Variants in MGRN1 observed in about 807,000 individuals in gnomAD.
MGRN1 encodes mahogunin ring finger 1, also known as E3 ubiquitin-protein ligase MGRN1.
MGRN1 carries 29 observed loss-of-function variants against 69.2 expected under a neutral mutation model. The ratio of observed to expected loss-of-function variants is 0.42; its 90% CI spans 0.31 to 0.57. MGRN1 has a LOEUF of 0.57. MGRN1 is among the 20% of genes least tolerant of loss of function. MGRN1 has a pLI of 0.15. For synonymous variants in MGRN1, 470 were observed against 344.2 expected (o/e 1.37, Z -4.04); for missense variants, 998 against 796.2 (o/e 1.25, Z -3.05).
At chr16:4,661,023 C>G (rs1042853522) in intron 5 of MGRN1, among the ~76,000 whole-genome samples, 18 of 152,160 alleles carry the variant, frequency 1.2e-4, no homozygotes, top group African/African-American at 3.6e-4. Context: ...ACTCTGTCTC[C>G]CAGGCTGGAG....
At chr16:4,641,919 T>A (rs1323284771) in intron 1 of MGRN1, among the ~76,000 whole-genome samples, 3 of 151,962 alleles carry the variant, frequency 2.0e-5, no homozygotes, top group Non-Finnish European at 4.4e-5. Context: ...CCTCCTAAAG[T>A]GCTGGGATTA....
At chr16:4,677,389 C>T (rs2079076536) in intron 10 of MGRN1, 74 bp from the exon 11 acceptor site, 1 of 1,215,822 alleles carries the variant, frequency 8.2e-7, no homozygotes, top group Non-Finnish European at 1.1e-6. Context: ...GGGTGTTGAT[C>T]CCTGGGGCTG....
At position 4,650,369 on chromosome 16, in the gene MGRN1, C is replaced by T; in HGVS notation, c.93C>T (p.Asn31=). ...SAYRYPPKSG[N]YFASHFFMGG... is the part of the protein sequence containing the mutation. ...CGTGTTTCCTTTTTTAAACAGGAAA[C>T]TACTTTGCTTCGCACTTTTTCATGG... Residue 31 remains asparagine (N), a synonymous_variant, in exon 2 of 17, where the codon AAC becomes AAT. Coordinates refer to ENST00000262370, the MANE Select transcript of MGRN1 (RefSeq NM_015246.4). 6.3e-7 allele frequency: 1 copy of T among 1,592,278 alleles called. No homozygotes were observed. Among genetic ancestry groups the T allele is most frequent in the Non-Finnish European group, 8.6e-7 (1 of 1,166,428 alleles).
chr16:4,665,070 C>G, intron 6 of MGRN1, 32 bp from the exon 7 acceptor site: 5 of 1,613,802 alleles, frequency 3.1e-6, no homozygotes, highest in South Asian at 1.1e-5. Flanking sequence ...CAGGCCCCGA[C>G]TCTGACTACT....
At chr16:4,638,258 A>T (rs2141841353) in intron 1 of MGRN1, among the ~76,000 whole-genome samples, 1 of 152,106 alleles carries the variant, frequency 6.6e-6, no homozygotes, top group South Asian at 2.1e-4. Flanking sequence ...CGAGGTCAGG[A>T]GTTTGAGACC....
chr16:4,658,161 C>T (rs995382765), intron 5 of MGRN1, among the ~76,000 whole-genome samples: 2 of 152,228 alleles, frequency 1.3e-5, no homozygotes, highest in African/African-American at 4.8e-5. Context: ...CTCCCTCCTT[C>T]CCCCTTTGCC....
In MGRN1 at chr16:4,636,439, C is replaced by T. The variant is rs375115977; in HGVS notation, c.88+11391C>T. 8.9e-4 allele frequency among the ~76,000 whole-genome samples: 136 copies of T among 152,184 alleles called. 6 individuals are homozygous for T. The South Asian group carries it at 0.026, about 29-fold the overall frequency. ...GACCTTCCAGCGTCCCAGTGCTGCC[C>T]GTGGACGGGCTCCGGGGGAGCTGGG... On this transcript the variant is annotated intron_variant, in intron 1 of 16. Transcript: ENST00000262370.
intron 5 of MGRN1, among the ~76,000 whole-genome samples, chr16:4,662,451 G>A (rs1391872150): frequency 2.0e-5 from 3 of 151,786 alleles, no homozygotes; most frequent in Non-Finnish European, 4.4e-5. Context: ...AGGGGGTGGA[G>A]GTTGCAGCGA....
At chr16:4,638,239 G>A (rs2078074976) in intron 1 of MGRN1, among the ~76,000 whole-genome samples, 1 of 152,068 alleles carries the variant, frequency 6.6e-6, no homozygotes, top group Non-Finnish European at 1.5e-5. Flanking sequence ...GGCCGAGGCG[G>A]GTGGATTACG....
In MGRN1 at chr16:4,671,438, C is replaced by T; in HGVS notation, c.774C>T (p.Asn258=). The change falls in exon 9 of 17, where the codon AAC becomes AAT. Residue 258 remains asparagine, a synonymous_variant. Transcript: ENST00000262370. The part of the protein sequence containing the change: ...YLLQEIYGIE[N]KNNQETKPSD... ...TGCAGGAGATCTATGGCATTGAGAA[C>T]AAGAACAACCAGGAGACCAAGGTGT... is the stretch of plus-strand genomic sequence containing the variant. 1.2e-6 allele frequency: 2 copies of T among 1,614,070 alleles called. No individual in the cohort carries two copies. Among genetic ancestry groups the T allele is most frequent in the African/African-American group, 1.3e-5 (1 of 75,014 alleles).
intron 16 of MGRN1, chr16:4,687,704 C>G (rs2079363745): frequency 1.0e-6 from 1 of 985,324 alleles, no homozygotes; most frequent in African/African-American, 1.7e-5. Flanking sequence ...GGCACACAAG[C>G]TGCGTGCAGC....
chr16:4,665,667 C>CTTTT (rs35226786), intron 7 of MGRN1, among the ~76,000 whole-genome samples: 2 of 127,578 alleles, frequency 1.6e-5, no homozygotes, highest in African/African-American at 3.2e-5. Flanking sequence ...CGTGCCCGGC[C>CTTTT]TTTTTTTTTT....
chr16:4,684,579 G>T (rs539380703), intron 16 of MGRN1, among the ~76,000 whole-genome samples: 2 of 152,262 alleles, frequency 1.3e-5, no homozygotes, highest in African/African-American at 2.4e-5. Flanking sequence ...GAACAGCAAG[G>T]CAGCAAGGCT....
At chr16:4,652,605 C>A in intron 3 of MGRN1, 73 bp from the exon 4 acceptor site, 1 of 1,522,274 alleles carries the variant, frequency 6.6e-7, no homozygotes, top group Non-Finnish European at 8.8e-7. Flanking sequence ...GCCCCTCAGC[C>A]TGGCAGGGGA....
At position 4,657,738 on chromosome 16, in the gene MGRN1, C is replaced by CTTTTTTTTTTTTTTTTTTTT. The variant is rs1157518931; in HGVS notation, c.561+383_561+402dup. 1.7e-4 allele frequency among the ~76,000 whole-genome samples: 13 copies of CTTTTTTTTTTTTTTTTTTTT among 76,998 alleles called. 2 individuals carry two copies. Among genetic ancestry groups the CTTTTTTTTTTTTTTTTTTTT allele is most frequent in the Non-Finnish European group, 3.0e-4 (12 of 40,556 alleles). The allele number at this position is 76,998 out of a possible 152,430, so 50.5% of individuals were successfully genotyped here. A position where few individuals can be genotyped will look rare whatever the true frequency, so the allele number is the denominator to read the frequency against. ...TGTTTAAAATCTTGGTGCAGACATC[C>CTTTTTTTTTTTTTTTTTTTT]TTTTTTTTTTTTTTTTTTTTTTTTT... On this transcript the variant is annotated intron_variant, in intron 5 of 16. Transcript: ENST00000262370.
intron 9 of MGRN1, 50 bp from the exon 10 acceptor site, chr16:4,673,448 G>C: frequency 6.3e-7 from 1 of 1,591,300 alleles, no homozygotes; most frequent in Non-Finnish European, 8.5e-7. Context: ...AGCAGGAGCC[G>C]TACTCTGGCC....
intron 8 of MGRN1, among the ~76,000 whole-genome samples, chr16:4,669,809 C>T (rs559465654): frequency 6.6e-6 from 1 of 152,112 alleles, no homozygotes; most frequent in African/African-American, 2.4e-5. Context: ...TACATCTGTT[C>T]TCTGGGGTCA....
rs775197309 is a variant in MGRN1, at chr16:4,682,773, T to C, written c.1359-50T>C. 3.4e-6 allele frequency: 5 copies of C among 1,471,638 alleles called. No individual in the cohort carries two copies. In the South Asian group the frequency reaches 7.1e-5, roughly 21 times the overall value. The allele number at this position is 1,471,638 out of a possible 1,614,324, so 91.2% of individuals were successfully genotyped here. On this transcript the variant is annotated intron_variant, in intron 13 of 16. Coordinates refer to ENST00000262370, the MANE Select transcript of MGRN1 (RefSeq NM_015246.4). ...CTGCATGGCTTTGGCAGGGTTAGCC[T>C]TCCTTGTCGTTATCCTCTCACCCCT...
chr16:4,639,734 G>A (rs778287480), intron 1 of MGRN1: 1 of 152,292 alleles, frequency 6.6e-6, no homozygotes, highest in Non-Finnish European at 1.5e-5. Context: ...GGGTGTACCA[G>A]GGTTGGTGGG....
Sources: allele counts gnomAD v4.1 joint callset (sites outside exome capture counted in the v4.1 genomes callset), GRCh38; gene constraint gnomAD v4.1.1; transcripts MANE v1.5; gene names NCBI Gene and HGNC (gene_info 2026-07-23, HGNC 2026-07-21).